The following COP1 variants were observed in gnomAD, a reference collection of about 807,000 sequenced individuals.
COP1 encodes the protein COP1 E3 ubiquitin ligase.
In COP1, 24 loss-of-function variants were observed where a neutral mutation model predicts 101.3. The ratio of observed to expected loss-of-function variants is 0.24; its 90% CI spans 0.17 to 0.33. The LOEUF is 0.33. Ranked by LOEUF, COP1 falls within the 10% of genes least tolerant of loss-of-function variation. The pLI is 1.00. For synonymous variants in COP1, 347 were observed against 341.9 expected (o/e 1.01, Z -0.17); for missense variants, 663 against 906.2 (o/e 0.73, Z 3.45).
At chr1:176,134,863 T>TG in intron 8 of COP1, 147 bp downstream of exon 8, 1 of 516,118 alleles carries the variant, frequency 1.9e-6, no homozygotes, top group South Asian at 3.8e-5. Context: ...AGGAAACAGA[T>TG]GGGCCATATG....
intron 5 of COP1, among the ~76,000 whole-genome samples, chr1:176,152,917 TC>T (rs1406669769): frequency 2.6e-5 from 4 of 152,134 alleles, no homozygotes; most frequent in African/African-American, 7.2e-5. Context: ...TACAGTATTT[TC>T]CTTAAATCTA....
chr1:176,002,447 T>C (rs1396836583), intron 15 of COP1, among the ~76,000 whole-genome samples: 3 of 152,010 alleles, frequency 2.0e-5, no homozygotes, highest in South Asian at 2.1e-4. Flanking sequence ...GCTGGTGTAC[T>C]GCACCCACTA....
At chr1:176,055,706 T>G (rs1041530835) in intron 11 of COP1, among the ~76,000 whole-genome samples, 1 of 152,216 alleles carries the variant, frequency 6.6e-6, no homozygotes, top group South Asian at 2.1e-4. Context: ...CTGCCAAACA[T>G]CTAGTAATTT....
chr1:176,140,374 G>A (rs536853448), intron 6 of COP1, among the ~76,000 whole-genome samples: 29 of 152,284 alleles, frequency 1.9e-4, no homozygotes, highest in African/African-American at 6.0e-4. Flanking sequence ...TAACCTATCC[G>A]TAAGAAAGTC....
At position 176,020,539 on chromosome 1, in the gene COP1, G is replaced by A. The variant is rs118028361; in HGVS notation, c.1729+7033C>T. On this transcript the variant is annotated intron_variant, in intron 15 of 19. Coordinates refer to ENST00000367669, the MANE Select transcript of COP1 (RefSeq NM_022457.7). ...GCAAAACTAGAAAGATTAGCCAGGC[G>A]AGGTAGTGCATGCCTGTAATCCCAG... Among the ~76,000 whole-genome samples, 7 of 151,428 alleles carry A rather than the reference G, an allele frequency of 4.6e-5. No homozygotes were observed. The East Asian group carries it at 1.4e-3, about 30-fold the overall frequency.
chr1:176,133,446 C>G (rs1689279497), intron 8 of COP1, among the ~76,000 whole-genome samples: 1 of 151,754 alleles, frequency 6.6e-6, no homozygotes, highest in East Asian at 1.9e-4. Flanking sequence ...CAGTCCATCA[C>G]TGACTGAAAC....
At chr1:176,086,079 C>T (rs557214831) in intron 9 of COP1, among the ~76,000 whole-genome samples, 189 bp from the exon 10 acceptor site, 27 of 152,016 alleles carry the variant, frequency 1.8e-4, no homozygotes, top group African/African-American at 5.5e-4. Context: ...CAAATTCATT[C>T]GCAGAATGAT....
At position 176,082,809 on chromosome 1, in the gene COP1, AAAAAAAG is replaced by A. The variant is rs368756427; in HGVS notation, c.1142-1529_1142-1523del. Among the ~76,000 whole-genome samples, 342 of 152,232 alleles carry A rather than the reference AAAAAAAG, an allele frequency of 2.2e-3. 1 individual carries two copies. The highest frequency in any genetic ancestry group is 3.1e-3 in the Non-Finnish European group (210 of 68,022). On this transcript the variant is annotated intron_variant, in intron 10 of 19. Transcript: ENST00000367669. ...AACGAGAGCAAAACTCCATCTCAAA[AAAAAAAG>A]AAAAAAGAAAAAAGAAAGAAGAAAA... is the stretch of plus-strand genomic sequence containing the variant.
At chr1:176,052,028 A>ATATAC (rs1286413125) in intron 11 of COP1, among the ~76,000 whole-genome samples, 3 of 152,222 alleles carry the variant, frequency 2.0e-5, no homozygotes, top group Non-Finnish European at 4.4e-5. Context: ...AATGTTTATA[A>ATATAC]AGTCTACAGT....
At chr1:176,149,264 C>T (rs1692050496) in intron 5 of COP1, among the ~76,000 whole-genome samples, 190 bp from the exon 6 acceptor site, 1 of 151,984 alleles carries the variant, frequency 6.6e-6, no homozygotes, top group Admixed American at 6.6e-5. Context: ...TTCTATAAAA[C>T]TAACTAAAAC....
chr1:176,151,371 AAG>A (rs1156842205), intron 5 of COP1, among the ~76,000 whole-genome samples: 1 of 107,208 alleles, frequency 9.3e-6, no homozygotes, highest in African/African-American at 2.7e-5. Context: ...GAAAGAAAGA[AAG>A]AAAGAAAGAA....
intron 1 of COP1, among the ~76,000 whole-genome samples, chr1:176,200,236 A>C (rs1175892374): frequency 1.3e-5 from 2 of 152,220 alleles, no homozygotes; most frequent in African/African-American, 2.4e-5. Flanking sequence ...ATATTTGAGC[A>C]CTTATTATTA....
chr1:175,950,464 T>C lies in COP1; in HGVS notation c.2134-3225A>G, dbSNP rs570674719. 2.0e-5 allele frequency among the ~76,000 whole-genome samples: 3 copies of C among 152,280 alleles called. No homozygotes were observed. The East Asian group carries it at 5.8e-4, about 29-fold the overall frequency. ...ATATTTTACTTCTAGCATAGAGATG[T>C]GGAAGTGGTACGTACAAGGTTATTA... is the stretch of plus-strand genomic sequence containing the variant. On this transcript the variant is annotated intron_variant, in intron 18 of 19. Transcript: ENST00000367669.
chr1:176,002,898 T>C, intron 15 of COP1, among the ~76,000 whole-genome samples: 1 of 151,026 alleles, frequency 6.6e-6, no homozygotes, highest in Non-Finnish European at 1.5e-5. Context: ...GGTCAAATGG[T>C]ATTTCTAGTT....
At chr1:176,070,043 T>C (rs907017567) in intron 11 of COP1, among the ~76,000 whole-genome samples, 40 of 152,306 alleles carry the variant, frequency 2.6e-4, no homozygotes, top group African/African-American at 8.2e-4. Context: ...CATCTCTGTA[T>C]AACCAGAAAA....
At chr1:176,200,681 C>A (rs1700175742) in intron 1 of COP1, among the ~76,000 whole-genome samples, 1 of 151,572 alleles carries the variant, frequency 6.6e-6, no homozygotes, top group South Asian at 2.1e-4. Context: ...GGACAACTAA[C>A]ATATTTTAAG....
chr1:176,032,070 A>T lies in COP1; in HGVS notation c.1613-4382T>A, dbSNP rs146519911. Among the ~76,000 whole-genome samples the T allele has an allele frequency of 2.6e-3, 398 of 152,316 alleles. 3 individuals are homozygous for T. Among genetic ancestry groups the T allele is most frequent in the African/African-American group, 9.1e-3 (380 of 41,566 alleles). On this transcript the variant is annotated intron_variant, in intron 14 of 19. Coordinates refer to ENST00000367669, the MANE Select transcript of COP1 (RefSeq NM_022457.7). ...AAAGAATTCATTACCAAAGAAAGAG[A>T]AAACAGGGACAGAAGTTTGACACAG...
intron 18 of COP1, among the ~76,000 whole-genome samples, chr1:175,986,421 T>C (rs17351774): frequency 0.066 from 10,039 of 152,288 alleles, 413 homozygotes; most frequent in Middle Eastern, 0.12. Context: ...AGCATAACTG[T>C]CTCATCAATA....
intron 5 of COP1, among the ~76,000 whole-genome samples, chr1:176,161,401 C>T (rs1359614076): frequency 1.3e-5 from 2 of 151,856 alleles, no homozygotes; most frequent in South Asian, 4.2e-4. Context: ...CTACTGTAGG[C>T]CAATATAGTG....
Sources: gnomAD v4.1 joint callset for allele counts (sites outside exome capture counted in the v4.1 genomes callset) on GRCh38, gnomAD v4.1.1 for gene constraint, MANE v1.5 for transcripts, NCBI Gene and HGNC (gene_info 2026-07-23, HGNC 2026-07-21) for gene names.